The following DOHH variants were observed in gnomAD, a reference collection of about 807,000 sequenced individuals.
The protein encoded by DOHH is HEAT-like (PBS lyase) repeat containing 1.
In DOHH, 16 loss-of-function variants were observed where a neutral mutation model predicts 19.9. The observed-to-expected ratio is 0.80, with a 90% confidence interval of 0.54 to 1.22. The LOEUF is 1.22. Among genes scored for constraint, DOHH ranks in the 50% most tolerant of loss-of-function variants. The pLI is 0.00. For synonymous variants in DOHH, 233 were observed against 217.0 expected, an observed-to-expected ratio of 1.07 and a Z score of -0.65; for missense variants, 460 against 460.6, an observed-to-expected ratio of 1.00 and a Z score of 0.01.
rs762543963 is a variant in DOHH, at chr19:3,494,078, G to C, written c.301C>G (p.Pro101Ala). Residue 101 changes from proline (P) to alanine (A), a missense_variant, in exon 3 of 5, where the codon CCG becomes GCG. By Grantham distance (27) the Pro-to-Ala change is conservative. Transcript: ENST00000427575. ...TGCTTCAGGATCTCCAGAACTTCCG[G>C]GTCCCCGATGGCCCCCAGGGCCTCC... is the stretch of plus-strand genomic sequence containing the variant. Reference protein sequence around the residue: ...AGEALGAIGDPEVLEILKQYS... With the variant: ...AGEALGAIGDAEVLEILKQYS... 1.9e-6 allele frequency: 3 copies of C among 1,613,820 alleles called. No homozygotes were observed. The highest frequency in any genetic ancestry group is 2.5e-6 in the Non-Finnish European group (3 of 1,179,804).
At chr19:3,493,738 C>T (rs560003825) in intron 3 of DOHH, among the ~76,000 whole-genome samples, 1 of 151,786 alleles carries the variant, frequency 6.6e-6, no homozygotes, top group African/African-American at 2.4e-5. Flanking sequence ...AGGGACTGGA[C>T]GTGGGGGTTC....
At chr19:3,498,914 A>C (rs1181574431) in intron 1 of DOHH, among the ~76,000 whole-genome samples, 1 of 152,220 alleles carries the variant, frequency 6.6e-6, no homozygotes, top group Non-Finnish European at 1.5e-5. Context: ...TCCAAAGGAA[A>C]GTCTTCAGGA....
chr19:3,492,931 A>G (rs2122055611), intron 3 of DOHH, among the ~76,000 whole-genome samples: 1 of 152,346 alleles, frequency 6.6e-6, no homozygotes, highest in East Asian at 1.9e-4. Context: ...TAAGCATGGA[A>G]CAGAACAGCA....
Position 3,491,930 on chromosome 19 carries a change from C to T in DOHH, c.590-119G>A. On this transcript the variant is annotated intron_variant, in intron 4 of 4. Transcript: ENST00000427575. The surrounding 1 kb of genome is among the most constrained non-coding windows in gnomAD (Gnocchi z 5.6). ...CAGGTCACAAAGTCCTGGCGATCTT[C>T]CCATCCCGGCCTCCCAAAGTGCTGG... 1.8e-6 allele frequency: 2 copies of T among 1,123,834 alleles called. No homozygotes were observed. The highest frequency in any genetic ancestry group is 2.4e-6 in the Non-Finnish European group (2 of 837,936). The allele number at this position is 1,123,834 out of a possible 1,614,324, so 69.6% of individuals were successfully genotyped here. A position where few individuals can be genotyped will look rare whatever the true frequency, so the allele number is the denominator to read the frequency against.
Position 3,492,253 on chromosome 19 carries a change from C to G in DOHH, c.589+9G>C. ...TGCCCAGGACCCCACCCCAGAAGCC[C>G]CTCCTCACCCTCGGCCAGCGCCAGG... On this transcript the variant is annotated intron_variant, in intron 4 of 4. Transcript: ENST00000427575. The G allele has an allele frequency of 6.9e-7, 1 of 1,454,898 alleles. No homozygotes were observed. Among genetic ancestry groups the G allele is most frequent in the Non-Finnish European group, 9.0e-7 (1 of 1,114,066 alleles). The allele number at this position is 1,454,898 out of a possible 1,614,324, so 90.1% of individuals were successfully genotyped here.
chr19:3,495,583 TTA>T (rs2082902473), intron 2 of DOHH, among the ~76,000 whole-genome samples: 1 of 152,236 alleles, frequency 6.6e-6, no homozygotes. Context: ...TCGCTTGTTT[TTA>T]TACGAGCAAA....
intron 2 of DOHH, among the ~76,000 whole-genome samples, chr19:3,495,955 AC>A (rs771141105): frequency 1.3e-5 from 2 of 152,198 alleles, no homozygotes; most frequent in South Asian, 2.1e-4. Context: ...AAGGGATAGT[AC>A]TTCCTGATGG....
At chr19:3,492,621 T>C in intron 3 of DOHH, 122 bp from the exon 4 acceptor site, 1 of 804,724 alleles carries the variant, frequency 1.2e-6, no homozygotes, top group South Asian at 2.5e-5. Flanking sequence ...AACCCATCAT[T>C]CCAGGCAGGA....
At chr19:3,500,466 T>A (rs1271083791) in intron 1 of DOHH, 95 bp downstream of exon 1, 1 of 152,172 alleles carries the variant, frequency 6.6e-6, no homozygotes, top group Non-Finnish European at 1.5e-5. Context: ...AGTCAACGAA[T>A]CCCTGAGACC....
At chr19:3,492,525 G>A (rs759193019) in intron 3 of DOHH, 26 bp from the exon 4 acceptor site, 13 of 1,370,254 alleles carry the variant, frequency 9.5e-6, no homozygotes, top group Middle Eastern at 2.6e-4. Flanking sequence ...ATCAGGCAGC[G>A]GGTTGGCCCT....
chr19:3,492,372 C>T lies in DOHH; in HGVS notation c.479G>A (p.Arg160His), dbSNP rs1456558764. ...CTCATCCAGCAGCGCCTCCCGCAGG[C>T]GCCCCACGTCACGCTCCTCAGCCGG... ...APPAEERDVGRLREALLDESR... is the reference protein window; with the variant it reads ...APPAEERDVGHLREALLDESR... Residue 160 changes from arginine (R) to histidine (H), a missense_variant, in exon 4 of 5, where the codon CGC becomes CAC. Arg to His is a conservative substitution (Grantham distance 29). Coordinates refer to ENST00000427575, the MANE Select transcript of DOHH (RefSeq NM_001145165.2). 9 of 1,539,238 alleles carry T rather than the reference C, an allele frequency of 5.8e-6. No homozygotes were observed. Among genetic ancestry groups the T allele is most frequent in the Middle Eastern group, 1.8e-4 (1 of 5,638 alleles).
chr19:3,498,922 G>T lies in DOHH; in HGVS notation c.-73+1639C>A, dbSNP rs2082929431. ...CTGAGGTTCCAAAGGAAAGTCTTCA[G>T]GATTCAGATCTTAGTTATAGATTAA... On this transcript the variant is annotated intron_variant, in intron 1 of 4. Coordinates refer to ENST00000427575, the MANE Select transcript of DOHH (RefSeq NM_001145165.2). 2.0e-5 allele frequency among the ~76,000 whole-genome samples: 3 copies of T among 152,170 alleles called. No individual in the cohort carries two copies. The South Asian group carries it at 6.2e-4, about 31-fold the overall frequency.
At chr19:3,497,694 G>A (rs969036894) in intron 1 of DOHH, among the ~76,000 whole-genome samples, 10 of 152,098 alleles carry the variant, frequency 6.6e-5, no homozygotes, top group African/African-American at 9.7e-5. Context: ...GCATGATCAC[G>A]GCTCACTGTA....
intron 1 of DOHH, among the ~76,000 whole-genome samples, chr19:3,498,967 G>C (rs2082929657): frequency 6.6e-6 from 1 of 152,230 alleles, no homozygotes. Flanking sequence ...GTCACTTTAA[G>C]TCTTTAGATG....
At chr19:3,494,978 AT>A (rs35239692) in intron 2 of DOHH, among the ~76,000 whole-genome samples, 53,136 of 143,756 alleles carry the variant, frequency 0.37, 9,828 homozygotes, top group East Asian at 0.67. Context: ...ACAACAGTCC[AT>A]TTTTTTTTTT....
intron 3 of DOHH, among the ~76,000 whole-genome samples, chr19:3,493,809 A>C (rs1016766892): frequency 3.9e-5 from 6 of 152,110 alleles, no homozygotes; most frequent in Admixed American, 1.3e-4. Context: ...GGGTGAGCAA[A>C]GCTGGTTGTC....
At position 3,496,455 on chromosome 19, in the gene DOHH, T is replaced by C; in HGVS notation, c.274+86A>G. 1 of 1,533,820 alleles carries C rather than the reference T, an allele frequency of 6.5e-7. No homozygotes were observed. The highest frequency in any genetic ancestry group is 1.4e-5 in the African/African-American group (1 of 73,730). ...GGGCAGTTGACCACTCTGATATTTA[T>C]CACCTGAGTGAGGAAGGGGACACGT... On this transcript the variant is annotated intron_variant, in intron 2 of 4. Coordinates refer to ENST00000427575, the MANE Select transcript of DOHH (RefSeq NM_001145165.2). This position sits in a 1 kb window ranked among gnomAD's most constrained non-coding sequence, Gnocchi z 4.8.
chr19:3,491,850 TGGGAAGG>T lies in DOHH; in HGVS notation c.590-46_590-40del. On this transcript the variant is annotated intron_variant, in intron 4 of 4. Transcript: ENST00000427575. The surrounding 1 kb of genome is among the most constrained non-coding windows in gnomAD (Gnocchi z 5.6). ...GGACACTCGCTGGGGCCAGGAGGGG[TGGGAAGG>T]GGAGCTCTGTCTTTTCGAAGACATG... The T allele has an allele frequency of 7.1e-7, 1 of 1,408,364 alleles. No individual in the cohort carries two copies. The highest frequency in any genetic ancestry group is 9.2e-7 in the Non-Finnish European group (1 of 1,081,340). The allele number at this position is 1,408,364 out of a possible 1,614,324, so 87.2% of individuals were successfully genotyped here.
At chr19:3,492,066 G>A (rs1249183798) in intron 4 of DOHH, among the ~76,000 whole-genome samples, 196 bp downstream of exon 4, 2 of 152,188 alleles carry the variant, frequency 1.3e-5, no homozygotes. Flanking sequence ...GCAGCTATGG[G>A]GGCGGGAAAA....
Sources: gnomAD v4.1 joint callset for allele counts (sites outside exome capture counted in the v4.1 genomes callset) on GRCh38, gnomAD v4.1.1 for gene constraint, Gnocchi (gnomAD v3.1) non-coding constraint, MANE v1.5 for transcripts, NCBI Gene and HGNC (gene_info 2026-07-23, HGNC 2026-07-21) for gene names.